The following SLC35A3 variants were observed in gnomAD, a reference collection of about 807,000 sequenced individuals.
SLC35A3 encodes UDP-N-acetylglucosamine transporter.
A neutral mutation model predicts 39.0 loss-of-function variants in SLC35A3; 26 were observed. The observed-to-expected ratio is 0.67, with a 90% CI of 0.49 to 0.92. The LOEUF (loss-of-function observed/expected upper bound fraction) is 0.92, where lower values mean the gene tolerates loss of function less well. Ranked by LOEUF, SLC35A3 falls within the 40% of genes least tolerant of loss-of-function variation. The pLI is 0.00. For missense variants in SLC35A3, 299 were observed against 371.6 expected, an observed-to-expected ratio of 0.80 and a Z score of 1.61; for synonymous variants, 135 against 133.1, an observed-to-expected ratio of 1.01 and a Z score of -0.10.
chr1:99,970,847 T>C (rs1656763386), intron 1 of SLC35A3, among the ~76,000 whole-genome samples: 1 of 152,262 alleles, frequency 6.6e-6, no homozygotes, highest in South Asian at 2.1e-4. Context: ...AGTTTCTTAC[T>C]TGGTGTTCTT....
intron 1 of SLC35A3, among the ~76,000 whole-genome samples, chr1:99,990,332 T>G (rs1378100104): frequency 2.0e-5 from 3 of 152,112 alleles, no homozygotes; most frequent in Admixed American, 6.6e-5. Context: ...TCCCAGAACT[T>G]TGGGAGACCA....
rs1661151257 is a variant in SLC35A3, at chr1:100,030,153, C to T, written c.*7677C>T. 6.6e-6 allele frequency: 1 copy of T among 152,048 alleles called. No homozygotes were observed. The highest frequency in any genetic ancestry group is 2.4e-5 in the African/African-American group (1 of 41,392). The allele number at this position is 152,048 out of a possible 1,614,324, so 9.4% of individuals were successfully genotyped here. A position where few individuals can be genotyped will look rare whatever the true frequency, so the allele number is the denominator to read the frequency against. ...TTGGACCTGAGAATCAGGTGTTTTT[C>T]GTTTAATGCATTTATTTTCATTCAT... On this transcript the variant is annotated 3_prime_UTR_variant, in exon 8 of 8. Transcript: ENST00000533028.
intron 1 of SLC35A3, 90 bp from the exon 2 acceptor site, chr1:99,993,447 C>T: frequency 9.8e-7 from 1 of 1,019,160 alleles, no homozygotes; most frequent in Non-Finnish European, 1.4e-6. Flanking sequence ...ACCTGCAGGC[C>T]CTCTCCCTTC....
chr1:99,976,860 T>C (rs1157547230), intron 1 of SLC35A3, among the ~76,000 whole-genome samples: 2 of 152,134 alleles, frequency 1.3e-5, no homozygotes, highest in Non-Finnish European at 2.9e-5. Context: ...TATTGGGTAT[T>C]ATGCTGATTA....
chr1:100,003,438 A>G (rs78256899), intron 3 of SLC35A3, among the ~76,000 whole-genome samples: 4 of 149,000 alleles, frequency 2.7e-5, no homozygotes, highest in African/African-American at 1.0e-4. Context: ...AAAAAAAAAA[A>G]AGAGAAGAGG....
intron 1 of SLC35A3, among the ~76,000 whole-genome samples, chr1:99,976,948 C>T (rs77903772): frequency 6.6e-6 from 1 of 151,964 alleles, no homozygotes; most frequent in Admixed American, 6.6e-5. Context: ...CATACCTACC[C>T]CTTACCTTCA....
At chr1:99,974,337 A>G (rs1181765351) in intron 1 of SLC35A3, among the ~76,000 whole-genome samples, 1 of 152,202 alleles carries the variant, frequency 6.6e-6, no homozygotes, top group East Asian at 1.9e-4. Flanking sequence ...ACTATTACTT[A>G]TCACCATTTT....
In SLC35A3 at chr1:99,982,027, C is replaced by T. The variant is rs1342592176; in HGVS notation, c.-18-11510C>T. ...TCTTTTTTTTTTTTTTTTTTTGAGACGGAGTCTTGCTGTGTTGCCCAGGCT... is the reference window on the plus strand; with the variant it reads ...TCTTTTTTTTTTTTTTTTTTTGAGATGGAGTCTTGCTGTGTTGCCCAGGCT... On this transcript the variant is annotated intron_variant, in intron 1 of 7. Transcript: ENST00000533028. Among the ~76,000 whole-genome samples the T allele has an allele frequency of 6.0e-5, 8 of 133,780 alleles. No homozygotes were observed. In the East Asian group the frequency reaches 1.3e-3, roughly 22 times the overall value. 87.8% of individuals were successfully genotyped at this position (133,780 alleles called of 152,430 possible).
At chr1:100,007,195 G>T (rs1451407772) in intron 4 of SLC35A3, 39 bp downstream of exon 4, 7 of 1,523,356 alleles carry the variant, frequency 4.6e-6, no homozygotes, top group Non-Finnish European at 6.2e-6. Context: ...TATCTTTATT[G>T]TGGTTTCAAA....
intron 1 of SLC35A3, among the ~76,000 whole-genome samples, chr1:99,985,944 C>A (rs1657718095): frequency 6.6e-6 from 1 of 152,050 alleles, no homozygotes; most frequent in Admixed American, 6.6e-5. Context: ...TTGCTGAATT[C>A]ATTTATCAGT....
rs1660660735 is a variant in SLC35A3, at chr1:100,023,111, C to T, written c.*635C>T. On this transcript the variant is annotated 3_prime_UTR_variant, in exon 8 of 8. Coordinates refer to ENST00000533028, the MANE Select transcript of SLC35A3 (RefSeq NM_012243.3). ...TTTAATGTAGAGATACATACTATTTCTCCATATGAATTTTAAGATATTTTA... is the reference window on the plus strand; with the variant it reads ...TTTAATGTAGAGATACATACTATTTTTCCATATGAATTTTAAGATATTTTA... 1 of 152,110 alleles carries T rather than the reference C, an allele frequency of 6.6e-6. No individual in the cohort carries two copies. The highest frequency in any genetic ancestry group is 2.4e-5 in the African/African-American group (1 of 41,438). 9.4% of individuals were successfully genotyped at this position (152,110 alleles called of 1,614,324 possible). A position where few individuals can be genotyped will look rare whatever the true frequency, so the allele number is the denominator to read the frequency against.
At chr1:99,987,242 A>G (rs982913402) in intron 1 of SLC35A3, among the ~76,000 whole-genome samples, 1 of 152,252 alleles carries the variant, frequency 6.6e-6, no homozygotes, top group Admixed American at 6.5e-5. Context: ...ATTATATTAG[A>G]TGATTTCTAA....
intron 3 of SLC35A3, among the ~76,000 whole-genome samples, chr1:100,005,876 T>C (rs1461595492): frequency 1.3e-5 from 2 of 152,232 alleles, no homozygotes; most frequent in East Asian, 3.8e-4. Context: ...TGGAGACTTA[T>C]TGTGTCCCTT....
chr1:99,993,201 A>G (rs1461859050), intron 1 of SLC35A3: 1 of 172,132 alleles, frequency 5.8e-6, no homozygotes, highest in Admixed American at 6.1e-5. Flanking sequence ...CATCTGTAGC[A>G]AAAAAAATCT....
At chr1:99,991,037 A>C (rs1363314090) in intron 1 of SLC35A3, among the ~76,000 whole-genome samples, 1 of 152,238 alleles carries the variant, frequency 6.6e-6, no homozygotes, top group Non-Finnish European at 1.5e-5. Context: ...TAAGCCACCC[A>C]GTCTATGATA....
intron 1 of SLC35A3, chr1:99,970,416 C>A: frequency 3.0e-6 from 2 of 658,872 alleles, no homozygotes; most frequent in Non-Finnish European, 5.2e-6. Context: ...GGAAAAAAGG[C>A]CCGAGGAGAG....
At chr1:100,000,539 T>C (rs1489597453) in intron 3 of SLC35A3, 2 of 152,150 alleles carry the variant, frequency 1.3e-5, no homozygotes, top group Non-Finnish European at 2.9e-5. Flanking sequence ...TTTTTTTCTT[T>C]GCTTTGCAGA....
intron 1 of SLC35A3, among the ~76,000 whole-genome samples, chr1:99,990,041 G>C (rs1657983816): frequency 2.0e-5 from 3 of 152,152 alleles, no homozygotes. Context: ...ACAGGTGTGA[G>C]CCACTGCACC....
intron 3 of SLC35A3, among the ~76,000 whole-genome samples, chr1:100,005,705 A>T (rs968821991): frequency 6.6e-6 from 1 of 151,688 alleles, no homozygotes; most frequent in Non-Finnish European, 1.5e-5. Context: ...CTTTTTTATG[A>T]TATCTCTTTG....
Sources: gnomAD v4.1 joint callset for allele counts (sites outside exome capture counted in the v4.1 genomes callset) on GRCh38, gnomAD v4.1.1 for gene constraint, MANE v1.5 for transcripts, NCBI Gene and HGNC (gene_info 2026-07-23, HGNC 2026-07-21) for gene names.